The following DPY19L2 variants were observed in gnomAD, a reference collection of about 807,000 sequenced individuals.
The protein encoded by DPY19L2 is dpy-19 like 2, also known as probable C-mannosyltransferase DPY19L2.
DPY19L2 carries 34 observed loss-of-function variants against 97.9 expected under a neutral mutation model. That is an observed-to-expected ratio of 0.35 (90% CI 0.26 to 0.46). The LOEUF (loss-of-function observed/expected upper bound fraction) is 0.46. Among genes scored for constraint, DPY19L2 ranks in the 20% least tolerant of loss-of-function variants. The pLI, the probability that DPY19L2 is intolerant of heterozygous loss-of-function variation, is 1.00. For synonymous variants in DPY19L2, 230 were observed against 307.9 expected (o/e 0.75, Z 2.65); for missense variants, 623 against 911.4 (o/e 0.68, Z 4.07).
At chr12:63,665,774 G>C (rs1896263502) in intron 2 of DPY19L2, 61 bp downstream of exon 2, 2 of 1,339,690 alleles carry the variant, frequency 1.5e-6, no homozygotes, top group Non-Finnish European at 2.1e-6. Flanking sequence ...TGTATGCAAA[G>C]AGTGATGGCA....
At chr12:63,568,082 C>G (rs1048090605) in intron 21 of DPY19L2, among the ~76,000 whole-genome samples, 3 of 151,866 alleles carry the variant, frequency 2.0e-5, no homozygotes, top group African/African-American at 7.2e-5. Flanking sequence ...CGGTAATGTT[C>G]TTTTTTTCAT....
intron 4 of DPY19L2, among the ~76,000 whole-genome samples, chr12:63,652,253 A>C (rs572626577): frequency 3.3e-5 from 5 of 152,324 alleles, no homozygotes; most frequent in African/African-American, 1.2e-4. Context: ...AATGGCTATT[A>C]TTAAAAAGTC....
At chr12:63,602,123 T>C (rs1440426324) in intron 12 of DPY19L2, among the ~76,000 whole-genome samples, 1 of 151,856 alleles carries the variant, frequency 6.6e-6, no homozygotes, top group Non-Finnish European at 1.5e-5. Flanking sequence ...TTGAACTAAA[T>C]ATCCTCAAAC....
At chr12:63,583,043 G>A (rs1273083894) in intron 17 of DPY19L2, among the ~76,000 whole-genome samples, 2 of 152,072 alleles carry the variant, frequency 1.3e-5, no homozygotes, top group African/African-American at 4.8e-5. Flanking sequence ...TAAAACAAAT[G>A]CTCATTGAAG....
intron 16 of DPY19L2, among the ~76,000 whole-genome samples, chr12:63,587,557 AATT>A (rs201195590): frequency 0.068 from 9,268 of 136,194 alleles, 404 homozygotes; most frequent in African/African-American, 0.12. Context: ...CATTTTTAAA[AATT>A]ATTATTATTA....
chr12:63,565,548 C>T (rs1877502168), intron 21 of DPY19L2, among the ~76,000 whole-genome samples: 1 of 152,154 alleles, frequency 6.6e-6, no homozygotes, highest in Admixed American at 6.5e-5. Context: ...ATCTCATGAG[C>T]ATTAATTTAA....
intron 4 of DPY19L2, chr12:63,660,858 G>C (rs1041250836): frequency 2.0e-5 from 3 of 152,060 alleles, no homozygotes; most frequent in African/African-American, 7.2e-5. Context: ...CAAATTTCTA[G>C]CATTTATAGA....
chr12:63,629,709 C>G (rs1275782610), intron 6 of DPY19L2, among the ~76,000 whole-genome samples: 1 of 152,078 alleles, frequency 6.6e-6, no homozygotes, highest in African/African-American at 2.4e-5. Context: ...TCAGGAAATA[C>G]AGAGAACGCC....
In DPY19L2 at chr12:63,668,123, G is replaced by A; in HGVS notation, c.271C>T (p.Gln91Ter). The A allele has an allele frequency of 9.3e-6, 15 of 1,614,052 alleles. No individual in the cohort carries two copies. The highest frequency in any genetic ancestry group is 1.1e-5 in the South Asian group (1 of 91,074). ...PFQFVRNSLA[Q>*]LREKVQELQA... ...AGTTCCTGCACCTTTTCCCGGAGCT[G>A]CGCCAGGGAATTACGGACGAACTGG... The change falls in exon 1 of 22, where the codon CAG (glutamine) becomes TAG (stop). Residue 91 changes from glutamine to a stop codon, truncating the protein, a stop_gained. Coordinates refer to ENST00000324472, the MANE Select transcript of DPY19L2 (RefSeq NM_173812.5). LOFTEE classifies it high-confidence loss of function.
intron 6 of DPY19L2, among the ~76,000 whole-genome samples, chr12:63,634,809 G>A (rs11175083): frequency 0.11 from 16,940 of 151,954 alleles, 1,333 homozygotes; most frequent in African/African-American, 0.21. Flanking sequence ...GGAGCCCACC[G>A]CAGCTCAAGG....
In DPY19L2 at chr12:63,608,482, T is replaced by C. The variant is rs979961651; in HGVS notation, c.1278+134A>G. ...TCCTTACATATCTATCTACCTTAGA[T>C]AGTAACTATTTTTAAGACAGTAGCT... is the stretch of plus-strand genomic sequence containing the variant. On this transcript the variant is annotated intron_variant, in intron 12 of 21. Coordinates refer to ENST00000324472, the MANE Select transcript of DPY19L2 (RefSeq NM_173812.5). 1.1e-5 allele frequency: 10 copies of C among 927,842 alleles called. No individual in the cohort carries two copies. In the African/African-American group the frequency reaches 1.2e-4, roughly 11 times the overall value. The allele number at this position is 927,842 out of a possible 1,614,324, so 57.5% of individuals were successfully genotyped here.
intron 15 of DPY19L2, among the ~76,000 whole-genome samples, chr12:63,595,537 T>C (rs1337953046): frequency 6.6e-6 from 1 of 152,222 alleles, no homozygotes; most frequent in Admixed American, 6.5e-5. Flanking sequence ...GACTTCACTG[T>C]GCTTTATATT....
At chr12:63,576,918 C>CAG (rs899517196) in intron 19 of DPY19L2, among the ~76,000 whole-genome samples, 1 of 151,804 alleles carries the variant, frequency 6.6e-6, no homozygotes, top group Non-Finnish European at 1.5e-5. Context: ...ATATTCCTCA[C>CAG]AGAGATAGAA....
chr12:63,606,632 A>T (rs1413852201), intron 12 of DPY19L2, among the ~76,000 whole-genome samples: 2 of 152,232 alleles, frequency 1.3e-5, no homozygotes, highest in Non-Finnish European at 2.9e-5. Flanking sequence ...TTGAGTTACT[A>T]ATCTTTTACA....
intron 21 of DPY19L2, among the ~76,000 whole-genome samples, chr12:63,563,619 C>T (rs1336678206): frequency 6.6e-6 from 1 of 152,188 alleles, no homozygotes; most frequent in African/African-American, 2.4e-5. Context: ...TCCACTTGTA[C>T]ATTATGTATT....
At chr12:63,638,732 T>TG (rs1434158862) in intron 6 of DPY19L2, among the ~76,000 whole-genome samples, 1 of 152,178 alleles carries the variant, frequency 6.6e-6, no homozygotes, top group African/African-American at 2.4e-5. Flanking sequence ...AAGCATACCA[T>TG]GCTCCTGGAT....
rs1475043334 is a variant in DPY19L2 at position 63,661,377 on chromosome 12, A to T, written c.555T>A (p.Ile185=). The part of the protein sequence containing the change: ...NDRLTEYPLI[I]NAIKRFHLYP... ...AAAGATGGAAGCGTTTTATTGCATT[A>T]ATTATAAGAGGATATTCAGTAAGCC... Residue 185 remains isoleucine (I), a synonymous_variant, in exon 4 of 22, where the codon ATT becomes ATA. Transcript: ENST00000324472. 7 of 1,591,140 alleles carry T rather than the reference A, an allele frequency of 4.4e-6. No individual in the cohort carries two copies. In the South Asian group the frequency reaches 8.2e-5, roughly 19 times the overall value.
At chr12:63,610,841 CAAAAAAAAAAAAAAAAAAAAAAA>C (rs56044043) in intron 11 of DPY19L2, among the ~76,000 whole-genome samples, 1 of 10,758 alleles carries the variant, frequency 9.3e-5, no homozygotes, top group Non-Finnish European at 2.1e-4. Flanking sequence ...ATGAATATAG[CAAAAAAAAAAAAAAAAAAAAAAA>C]AAAAAAAAAA....
At chr12:63,625,949 ATATAT>A (rs1486323917) in intron 7 of DPY19L2, among the ~76,000 whole-genome samples, 35 of 147,814 alleles carry the variant, frequency 2.4e-4, no homozygotes, top group African/African-American at 7.1e-4. Flanking sequence ...TATATATATA[ATATAT>A]AAGTTTTTAT....
Sources: gnomAD v4.1 joint callset for allele counts (sites outside exome capture counted in the v4.1 genomes callset) on GRCh38, gnomAD v4.1.1 for gene constraint, MANE v1.5 for transcripts, NCBI Gene and HGNC (gene_info 2026-07-23, HGNC 2026-07-21) for gene names.